Variants in ZFAND3 observed in about 807,000 individuals in gnomAD.
ZFAND3 encodes zinc finger AN1-type containing 3.
Under a neutral mutation model 29.6 loss-of-function variants are expected in ZFAND3, and 10 were observed. The observed-to-expected ratio is 0.34, with a 90% confidence interval of 0.21 to 0.57. The LOEUF (loss-of-function observed/expected upper bound fraction) is 0.57, where lower values mean the gene tolerates loss of function less well. Ranked by LOEUF, ZFAND3 falls within the 20% of genes least tolerant of loss-of-function variation. The pLI is 0.86. For synonymous variants in ZFAND3, 128 were observed against 112.6 expected, an observed-to-expected ratio of 1.14 and a Z score of -0.87; for missense variants, 230 against 304.5, an observed-to-expected ratio of 0.76 and a Z score of 1.82.
chr6:38,091,541 G>A (rs1460937432), intron 4 of ZFAND3, among the ~76,000 whole-genome samples: 1 of 132,794 alleles, frequency 7.5e-6, no homozygotes, highest in Non-Finnish European at 1.5e-5. Flanking sequence ...TTCAGGTGCT[G>A]CTCCATAGCA....
intron 1 of ZFAND3, among the ~76,000 whole-genome samples, chr6:37,865,991 T>C (rs1364708330): frequency 6.6e-6 from 1 of 152,136 alleles, no homozygotes; most frequent in Non-Finnish European, 1.5e-5. Flanking sequence ...CTCCTATCTT[T>C]TTGCCCCTCA....
At chr6:38,095,587 C>A (rs1020270362) in intron 4 of ZFAND3, among the ~76,000 whole-genome samples, 1 of 152,180 alleles carries the variant, frequency 6.6e-6, no homozygotes, top group Non-Finnish European at 1.5e-5. Flanking sequence ...CTAGAATTTC[C>A]TTTCACTGCT....
intron 3 of ZFAND3, among the ~76,000 whole-genome samples, chr6:38,074,122 A>C (rs747137970): frequency 6.6e-6 from 1 of 152,180 alleles, no homozygotes; most frequent in Non-Finnish European, 1.5e-5. Context: ...ATGTGGTCCA[A>C]AGATCCATAG....
chr6:38,014,191 G>A (rs1376842214), intron 2 of ZFAND3, among the ~76,000 whole-genome samples: 2 of 152,096 alleles, frequency 1.3e-5, no homozygotes, highest in African/African-American at 4.8e-5. Context: ...TATTAGTCGT[G>A]CAACTTTTTT....
At chr6:38,111,099 A>G (rs964251627) in intron 4 of ZFAND3, among the ~76,000 whole-genome samples, 1 of 152,248 alleles carries the variant, frequency 6.6e-6, no homozygotes, top group Admixed American at 6.5e-5. Flanking sequence ...TCTCCAGTTA[A>G]GCTTTCCAGT....
At chr6:37,953,019 T>C (rs1762025093) in intron 2 of ZFAND3, among the ~76,000 whole-genome samples, 1 of 152,160 alleles carries the variant, frequency 6.6e-6, no homozygotes, top group African/African-American at 2.4e-5. Flanking sequence ...GGTGTTTTTA[T>C]ATTTAAAATG....
intron 2 of ZFAND3, among the ~76,000 whole-genome samples, chr6:37,975,684 A>G (rs1162055699): frequency 1.3e-5 from 2 of 152,172 alleles, no homozygotes; most frequent in Non-Finnish European, 2.9e-5. Context: ...GACTTTGTCA[A>G]AAGTCAGTTG....
chr6:38,048,179 T>C (rs1002394151), intron 2 of ZFAND3, among the ~76,000 whole-genome samples: 51 of 152,018 alleles, frequency 3.4e-4, no homozygotes, highest in Non-Finnish European at 6.6e-4. Flanking sequence ...CCAATTTTTG[T>C]ATTTTATGTA....
intron 5 of ZFAND3, among the ~76,000 whole-genome samples, chr6:38,132,240 G>C (rs536642805): frequency 6.6e-6 from 1 of 152,116 alleles, no homozygotes; most frequent in Non-Finnish European, 1.5e-5. Flanking sequence ...GGCTGGGTGC[G>C]GTGGCTCACA....
chr6:38,144,181 T>TA (rs1171561018), intron 5 of ZFAND3, among the ~76,000 whole-genome samples: 5 of 36,690 alleles, frequency 1.4e-4, no homozygotes, highest in African/African-American at 7.9e-4. Context: ...GATATATATA[T>TA]ATAATATATA....
chr6:38,045,101 T>TATTG (rs1554169433), intron 2 of ZFAND3, among the ~76,000 whole-genome samples: 7 of 146,180 alleles, frequency 4.8e-5, no homozygotes, highest in African/African-American at 1.8e-4. Context: ...TTTATTTATT[T>TATTG]ATTGAGATGG....
intron 1 of ZFAND3, among the ~76,000 whole-genome samples, chr6:37,908,542 T>TAAAAA (rs70981504): frequency 5.6e-5 from 7 of 124,130 alleles, no homozygotes; most frequent in Non-Finnish European, 8.3e-5. Flanking sequence ...AAAAAAAAAT[T>TAAAAA]AAAAAAAAAA....
chr6:37,855,209 G>A (rs1016101766), intron 1 of ZFAND3, among the ~76,000 whole-genome samples: 1 of 148,124 alleles, frequency 6.8e-6, no homozygotes, highest in Admixed American at 6.8e-5. Context: ...CAGTAGTGCC[G>A]TCTCGTCTCA....
At chr6:38,078,081 A>G (rs963207268) in intron 3 of ZFAND3, among the ~76,000 whole-genome samples, 5 of 152,180 alleles carry the variant, frequency 3.3e-5, no homozygotes, top group African/African-American at 1.2e-4. Flanking sequence ...CATGTCTTCA[A>G]CTTTATAGGG....
At chr6:38,139,768 A>C (rs967569190) in intron 5 of ZFAND3, among the ~76,000 whole-genome samples, 1 of 152,170 alleles carries the variant, frequency 6.6e-6, no homozygotes, top group Non-Finnish European at 1.5e-5. Flanking sequence ...AAGCTGTTGC[A>C]GTAGCCTCGG....
intron 4 of ZFAND3, among the ~76,000 whole-genome samples, 184 bp downstream of exon 4, chr6:38,082,641 G>C (rs1020078681): frequency 3.3e-5 from 5 of 152,086 alleles, no homozygotes; most frequent in African/African-American, 1.2e-4. Context: ...TGGGGAGTCA[G>C]ATTGACTGAG....
At chr6:37,904,165 G>A (rs1327620981) in intron 1 of ZFAND3, among the ~76,000 whole-genome samples, 1 of 152,150 alleles carries the variant, frequency 6.6e-6, no homozygotes, top group East Asian at 1.9e-4. Context: ...AATAAACCAT[G>A]TTGGGCAGTG....
At chr6:37,880,563 G>T (rs1199028889) in intron 1 of ZFAND3, among the ~76,000 whole-genome samples, 1 of 152,098 alleles carries the variant, frequency 6.6e-6, no homozygotes, top group Non-Finnish European at 1.5e-5. Context: ...TTTTAAAAAG[G>T]AGTTAAAAAG....
chr6:37,859,185 C>T (rs1287148474), intron 1 of ZFAND3, among the ~76,000 whole-genome samples: 2 of 152,196 alleles, frequency 1.3e-5, no homozygotes, highest in Admixed American at 1.3e-4. Flanking sequence ...ATTTCAATTC[C>T]ATTACCTGCT....
Sources: allele counts gnomAD v4.1 joint callset (sites outside exome capture counted in the v4.1 genomes callset), GRCh38; gene constraint gnomAD v4.1.1; transcripts MANE v1.5; gene names NCBI Gene and HGNC (gene_info 2026-07-23, HGNC 2026-07-21).